LEPR: variants seen among roughly 807,000 people sequenced by gnomAD.
LEPR encodes the protein leptin receptor.
A neutral mutation model predicts 114.7 loss-of-function variants in LEPR; 56 were observed. The ratio of observed to expected loss-of-function variants is 0.49; its 90% CI spans 0.39 to 0.61. The LOEUF (loss-of-function observed/expected upper bound fraction) is 0.61, where lower values mean the gene tolerates loss of function less well. Among genes scored for constraint, LEPR ranks in the 20% least tolerant of loss-of-function variants. The pLI, the probability that LEPR is intolerant of heterozygous loss-of-function variation, is 0.00. For synonymous variants in LEPR, 443 were observed against 461.4 expected (o/e 0.96, Z 0.51); for missense variants, 1,202 against 1,352.9 (o/e 0.89, Z 1.75).
chr1:65,610,250 A>G lies in LEPR; in HGVS notation c.1949A>G (p.Asn650Ser). 6.2e-7 allele frequency: 1 copy of G among 1,613,952 alleles called. No individual in the cohort carries two copies. Among genetic ancestry groups the G allele is most frequent in the South Asian group, 1.1e-5 (1 of 91,006 alleles). Residue 650 changes from asparagine (N) to serine (S), a missense_variant, in exon 14 of 20, where the codon AAT becomes AGT. Transcript: ENST00000349533. ...GGACCTGAATTTTGGAGAATAATTA[A>G]TGGAGATACTATGAAAAAGGAGAAA... ...MRGPEFWRII[N>S]GDTMKKEKNV... is the part of the protein sequence containing the mutation.
intron 2 of LEPR, among the ~76,000 whole-genome samples, chr1:65,467,013 C>A (rs1233619343): frequency 6.6e-6 from 1 of 152,148 alleles, no homozygotes; most frequent in Admixed American, 6.5e-5. Flanking sequence ...TATTACCGAC[C>A]TTCTGAAGCC....
At chr1:65,465,216 T>A (rs938098496) in intron 2 of LEPR, among the ~76,000 whole-genome samples, 1 of 152,264 alleles carries the variant, frequency 6.6e-6, no homozygotes, top group African/African-American at 2.4e-5. Context: ...GAGATTCTGG[T>A]ACATTGTGTC....
chr1:65,481,569 C>T (rs1175543781), intron 2 of LEPR, among the ~76,000 whole-genome samples: 2 of 151,674 alleles, frequency 1.3e-5, no homozygotes, highest in African/African-American at 4.8e-5. Context: ...GAAAAAGTTG[C>T]CCAACTCATT....
intron 1 of LEPR, among the ~76,000 whole-genome samples, chr1:65,424,705 G>A (rs1646323610): frequency 6.6e-6 from 1 of 152,214 alleles, no homozygotes; most frequent in Non-Finnish European, 1.5e-5. Flanking sequence ...CTGGTGTCTG[G>A]TGAGAGCCAG....
chr1:65,460,597 A>G (rs1646932456), intron 2 of LEPR, among the ~76,000 whole-genome samples: 1 of 152,162 alleles, frequency 6.6e-6, no homozygotes, highest in African/African-American at 2.4e-5. Context: ...GATGACCTTC[A>G]AGAGGGGCCA....
rs1658793335 is a variant in LEPR at position 65,638,827 on chromosome 1, C to A, written c.*1812C>A. The A allele has an allele frequency of 6.6e-6, 1 of 152,088 alleles. No homozygotes were observed. Among genetic ancestry groups the A allele is most frequent in the Non-Finnish European group, 1.5e-5 (1 of 68,010 alleles). 9.4% of individuals were successfully genotyped at this position (152,088 alleles called of 1,614,324 possible). ...CTCATTACTTGATGTGGTACGAGAG[C>A]CTTAGTTCTATGCAAAGATAAATGG... On this transcript the variant is annotated 3_prime_UTR_variant, in exon 20 of 20. Transcript: ENST00000349533.
chr1:65,498,900 G>A (rs556211599), intron 2 of LEPR, among the ~76,000 whole-genome samples: 3 of 152,104 alleles, frequency 2.0e-5, no homozygotes, highest in Admixed American at 6.6e-5. Context: ...TTAAAAGTTT[G>A]CATCTTTATC....
chr1:65,549,951 C>A (rs1652160552), intron 2 of LEPR, among the ~76,000 whole-genome samples: 1 of 152,134 alleles, frequency 6.6e-6, no homozygotes, highest in Non-Finnish European at 1.5e-5. Flanking sequence ...GTTTTATCTA[C>A]TTTTGGTCTT....
intron 5 of LEPR, among the ~76,000 whole-genome samples, chr1:65,582,008 G>A (rs1328463711): frequency 6.6e-6 from 1 of 152,110 alleles, no homozygotes; most frequent in Non-Finnish European, 1.5e-5. Flanking sequence ...CAGCCTGTTC[G>A]AGGCAATTTA....
chr1:65,546,001 G>C (rs1165357663), intron 2 of LEPR, among the ~76,000 whole-genome samples: 1 of 151,394 alleles, frequency 6.6e-6, no homozygotes, highest in East Asian at 1.9e-4. Flanking sequence ...GTAAGGAAGG[G>C]ATCCAGTTTC....
At chr1:65,539,386 T>C (rs908507166) in intron 2 of LEPR, among the ~76,000 whole-genome samples, 1 of 152,138 alleles carries the variant, frequency 6.6e-6, no homozygotes, top group Non-Finnish European at 1.5e-5. Flanking sequence ...AGCATGGCTG[T>C]TAAATGAAGA....
At chr1:65,621,968 T>C (rs1410440584) in intron 18 of LEPR, among the ~76,000 whole-genome samples, 1 of 152,070 alleles carries the variant, frequency 6.6e-6, no homozygotes, top group Non-Finnish European at 1.5e-5. Context: ...ATGGAATGTT[T>C]CTGGTTGGAG....
chr1:65,470,000 C>T (rs960159000), intron 2 of LEPR, among the ~76,000 whole-genome samples: 1 of 152,148 alleles, frequency 6.6e-6, no homozygotes, highest in Non-Finnish European at 1.5e-5. Flanking sequence ...TGGCATACAG[C>T]CAACAAAATG....
rs114571106 is a variant in LEPR at position 65,574,272 on chromosome 1, T to C, written c.494+1823T>C. ...AAGAGATCAGTATCACCTGGAACCTTGTTAGAAATTTAAATTTGCATGCTA... is the reference window on the plus strand; with the variant it reads ...AAGAGATCAGTATCACCTGGAACCTCGTTAGAAATTTAAATTTGCATGCTA... On this transcript the variant is annotated intron_variant, in intron 5 of 19. Coordinates refer to ENST00000349533, the MANE Select transcript of LEPR (RefSeq NM_002303.6). Among the ~76,000 whole-genome samples the C allele has an allele frequency of 3.6e-3, 552 of 152,328 alleles. 4 individuals are homozygous for C. Among genetic ancestry groups the C allele is most frequent in the African/African-American group, 0.013 (529 of 41,570 alleles).
intron 2 of LEPR, among the ~76,000 whole-genome samples, chr1:65,552,768 C>G (rs970084022): frequency 6.6e-6 from 1 of 152,082 alleles, no homozygotes; most frequent in South Asian, 2.1e-4. Context: ...ATGATGCTAG[C>G]TGGTTGTTTT....
chr1:65,438,548 C>CAAAAAAAAAAAAAAAAAAAAAAAA (rs1159617552), intron 2 of LEPR, among the ~76,000 whole-genome samples: 1 of 67,794 alleles, frequency 1.5e-5, no homozygotes, highest in African/African-American at 5.8e-5. Context: ...GACTCTGTCT[C>CAAAAAAAAAAAAAAAAAAAAAAAA]AAAAAAAAAA....
In LEPR at chr1:65,633,402, A is replaced by C. The variant is rs1212351938; in HGVS notation, c.2674-2789A>C. ...AGTTTGGATGTGTGATTAATTTTCA[A>C]ATCATCTAAAGTTTAAAAGTAGTAT... On this transcript the variant is annotated intron_variant, in intron 19 of 19. Transcript: ENST00000349533. The surrounding 1 kb of genome is among the most constrained non-coding windows in gnomAD (Gnocchi z 4.1). The C allele has an allele frequency of 7.5e-7, 1 of 1,327,220 alleles. No individual in the cohort carries two copies. The highest frequency in any genetic ancestry group is 9.6e-7 in the Non-Finnish European group (1 of 1,041,436). The allele number at this position is 1,327,220 out of a possible 1,614,324, so 82.2% of individuals were successfully genotyped here.
chr1:65,469,617 A>C lies in LEPR; in HGVS notation c.-21+44239A>C, dbSNP rs1408309531. ...AGCCACAAAGAGCAAGGTAGAGTCA[A>C]TTAATGCACTGAGTCTAGTTAGAAT... On this transcript the variant is annotated intron_variant, in intron 2 of 19. Transcript: ENST00000349533. Among the ~76,000 whole-genome samples, 3 of 152,230 alleles carry C rather than the reference A, an allele frequency of 2.0e-5. No individual in the cohort carries two copies. The East Asian group carries it at 5.8e-4, about 29-fold the overall frequency.
intron 2 of LEPR, among the ~76,000 whole-genome samples, chr1:65,504,729 T>C (rs1308430058): frequency 3.3e-5 from 5 of 152,262 alleles, no homozygotes; most frequent in South Asian, 2.1e-4. Context: ...TAATAACTAC[T>C]AAAATATGAA....
Sources: allele counts gnomAD v4.1 joint callset (sites outside exome capture counted in the v4.1 genomes callset), GRCh38; gene constraint gnomAD v4.1.1; non-coding constraint Gnocchi (gnomAD v3.1); transcripts MANE v1.5; gene names NCBI Gene and HGNC (gene_info 2026-07-23, HGNC 2026-07-21).